The following NT5M variants were observed in gnomAD, a reference collection of about 807,000 sequenced individuals.
NT5M encodes the protein 5',3'-nucleotidase, mitochondrial.
NT5M carries 22 observed loss-of-function variants against 22.2 expected under a neutral mutation model. The ratio of observed to expected loss-of-function variants is 0.99; its 90% CI spans 0.71 to 1.41. The LOEUF is 1.41. NT5M is among the 40% of genes most tolerant of loss of function. The probability of loss-of-function intolerance (pLI) is 0.00; values close to 1 mark genes in which losing one functional copy is unlikely to be tolerated. For synonymous variants in NT5M, 167 were observed against 133.0 expected (o/e 1.26, Z -1.76); for missense variants, 322 against 314.8 (o/e 1.02, Z -0.17).
At position 17,328,261 on chromosome 17, in the gene NT5M, G is replaced by C. The variant is rs2049302870; in HGVS notation, c.429+5016G>C. Among the ~76,000 whole-genome samples, 3 of 152,192 alleles carry C rather than the reference G, an allele frequency of 2.0e-5. No individual in the cohort carries two copies. In the South Asian group the frequency reaches 6.2e-4, roughly 31 times the overall value. Reference sequence around the variant, plus strand: ...AATTCAGGGTGAATTTTGTTGGCCAGTGGCTACAGGGGCTGATTGGGAGCG... The same window carrying C: ...AATTCAGGGTGAATTTTGTTGGCCACTGGCTACAGGGGCTGATTGGGAGCG... On this transcript the variant is annotated intron_variant, in intron 3 of 4. Coordinates refer to ENST00000389022, the MANE Select transcript of NT5M (RefSeq NM_020201.4).
At chr17:17,312,803 A>T (rs1412500310) in intron 2 of NT5M, among the ~76,000 whole-genome samples, 2 of 151,786 alleles carry the variant, frequency 1.3e-5, no homozygotes, top group African/African-American at 2.4e-5. Context: ...TACTAAAAAA[A>T]AATAATAATA....
In NT5M at chr17:17,303,788, C is replaced by A; in HGVS notation, c.238C>A (p.Gln80Lys). The change falls in exon 1 of 5, where the codon CAG becomes AAG. Residue 80 changes from glutamine to lysine, a missense_variant. Physicochemically the swap from Gln to Lys is moderately conservative, Grantham distance 53. Coordinates refer to ENST00000389022, the MANE Select transcript of NT5M (RefSeq NM_020201.4). ...CCGGCGCGGCTTCTGGGTGTCGGAG[C>A]AGTACGGCCGCCTGCGGCCAGGGCT... ...EDRRGFWVSE[Q>K]YGRLRPGLSE... 6.4e-7 allele frequency: 1 copy of A among 1,565,476 alleles called. No individual in the cohort carries two copies. The highest frequency in any genetic ancestry group is 8.6e-7 in the Non-Finnish European group (1 of 1,156,232).
chr17:17,328,669 G>C (rs1195058265), intron 3 of NT5M, among the ~76,000 whole-genome samples: 1 of 152,164 alleles, frequency 6.6e-6, no homozygotes, highest in African/African-American at 2.4e-5. Context: ...CACTGAGTAG[G>C]TTCAGCCTTT....
chr17:17,324,553 G>A (rs1382453693), intron 3 of NT5M, among the ~76,000 whole-genome samples: 1 of 151,414 alleles, frequency 6.6e-6, no homozygotes, highest in African/African-American at 2.4e-5. Flanking sequence ...TGCCCTCTGT[G>A]TGCTCAGTGG....
intron 3 of NT5M, among the ~76,000 whole-genome samples, chr17:17,337,668 G>A (rs1253634775): frequency 3.3e-5 from 5 of 152,116 alleles, no homozygotes; most frequent in Non-Finnish European, 7.4e-5. Flanking sequence ...GGGATTATAG[G>A]TGTGAGCCAT....
At chr17:17,345,081 C>G (rs534791544) in intron 4 of NT5M, 173 bp downstream of exon 4, 484 of 650,642 alleles carry the variant, frequency 7.4e-4, no homozygotes, top group Non-Finnish European at 8.8e-4. Flanking sequence ...GGGCTGTGGC[C>G]TGGTGCTCCT....
chr17:17,316,547 TG>T (rs1418087229), intron 2 of NT5M, among the ~76,000 whole-genome samples: 4 of 151,102 alleles, frequency 2.6e-5, no homozygotes, highest in Middle Eastern at 3.4e-3. Context: ...GGCTAATTTT[TG>T]TATTTTTATT....
chr17:17,315,667 A>T (rs1345825530), intron 2 of NT5M, among the ~76,000 whole-genome samples: 3 of 150,720 alleles, frequency 2.0e-5, no homozygotes, highest in Non-Finnish European at 4.4e-5. Context: ...TGGCACTGGA[A>T]CTTAGGAAGC....
intron 1 of NT5M, among the ~76,000 whole-genome samples, chr17:17,305,413 C>CCCCCCCCCCCCCCCT (rs1567877233): frequency 1.6e-5 from 2 of 124,976 alleles, no homozygotes; most frequent in African/African-American, 2.9e-5. Context: ...CCCCCGCCCC[C>CCCCCCCCCCCCCCCT]ACACACGTGG....
At position 17,330,521 on chromosome 17, in the gene NT5M, A is replaced by G. The variant is rs375948184; in HGVS notation, c.429+7276A>G. Among the ~76,000 whole-genome samples the G allele has an allele frequency of 1.4e-4, 21 of 151,486 alleles. 1 individual carries two copies. The highest frequency in any genetic ancestry group is 1.1e-3 in the Admixed American group (16 of 15,182). On this transcript the variant is annotated intron_variant, in intron 3 of 4. Coordinates refer to ENST00000389022, the MANE Select transcript of NT5M (RefSeq NM_020201.4). Reference sequence around the variant, plus strand: ...CTCCTGACTAGCTGGGATTACAGGCATCTGCCACCATGCCCGGCTAATTTT... The same window carrying G: ...CTCCTGACTAGCTGGGATTACAGGCGTCTGCCACCATGCCCGGCTAATTTT...
rs71281038 is a variant in NT5M at position 17,314,040 on chromosome 17, C to CTTTTTT, written c.368+7403_368+7408dup. On this transcript the variant is annotated intron_variant, in intron 2 of 4. Coordinates refer to ENST00000389022, the MANE Select transcript of NT5M (RefSeq NM_020201.4). Reference sequence around the variant, plus strand: ...TTGTTCGGGAATATATGAATATATTCTTTTTTTTTTTGAGATGGAGTCTTG... The same window carrying CTTTTTT: ...TTGTTCGGGAATATATGAATATATTCTTTTTTTTTTTTTTTTTGAGATGGAGTCTTG... Among the ~76,000 whole-genome samples the CTTTTTT allele has an allele frequency of 2.3e-3, 336 of 143,314 alleles. 3 individuals carry two copies. Among genetic ancestry groups the CTTTTTT allele is most frequent in the African/African-American group, 8.4e-3 (319 of 38,198 alleles). The allele number at this position is 143,314 out of a possible 152,430, so 94.0% of individuals were successfully genotyped here. A position where few individuals can be genotyped will look rare whatever the true frequency, so the allele number is the denominator to read the frequency against.
At chr17:17,328,446 C>T (rs771962124) in intron 3 of NT5M, among the ~76,000 whole-genome samples, 10 of 152,150 alleles carry the variant, frequency 6.6e-5, no homozygotes, top group African/African-American at 1.9e-4. Flanking sequence ...CCTCACCCAC[C>T]GTTTGTGCCC....
intron 2 of NT5M, among the ~76,000 whole-genome samples, chr17:17,309,463 CTG>C (rs1176185717): frequency 6.6e-6 from 1 of 152,142 alleles, no homozygotes; most frequent in Non-Finnish European, 1.5e-5. Context: ...TAGGATAATT[CTG>C]TGTTTGACAT....
At chr17:17,325,493 C>T (rs569869116) in intron 3 of NT5M, among the ~76,000 whole-genome samples, 25 of 152,196 alleles carry the variant, frequency 1.6e-4, no homozygotes, top group African/African-American at 5.8e-4. Context: ...ATTTCGAAAA[C>T]GTGCCTGGCA....
rs369904210 is a variant in NT5M, at chr17:17,341,169, G to T, written c.430-3625G>T. Among the ~76,000 whole-genome samples, 37 of 152,198 alleles carry T rather than the reference G, an allele frequency of 2.4e-4. No individual in the cohort carries two copies. The South Asian group carries it at 7.3e-3, about 30-fold the overall frequency. Reference sequence around the variant, plus strand: ...TTCTAGTTTTATTCCAAAAATACATGTGATTTTTTTATATTGACCTTGTAT... The same window carrying T: ...TTCTAGTTTTATTCCAAAAATACATTTGATTTTTTTATATTGACCTTGTAT... On this transcript the variant is annotated intron_variant, in intron 3 of 4. Coordinates refer to ENST00000389022, the MANE Select transcript of NT5M (RefSeq NM_020201.4).
rs1298638514 is a variant in NT5M, at chr17:17,306,689, A to ACTGAG, written c.368+48_368+52dup. The ACTGAG allele has an allele frequency of 2.3e-6, 3 of 1,310,972 alleles. No individual in the cohort carries two copies. In the African/African-American group the frequency reaches 4.4e-5, roughly 19 times the overall value. The allele number at this position is 1,310,972 out of a possible 1,614,324, so 81.2% of individuals were successfully genotyped here. On this transcript the variant is annotated intron_variant, in intron 2 of 4. Transcript: ENST00000389022. ...ACTCAGTAAGTTTGTCTGAGCAGCC[A>ACTGAG]CTGAGCCCTGTACCTCCTTCCTGCT...
chr17:17,306,616 C>G lies in NT5M; in HGVS notation c.341C>G (p.Ala114Gly). Residue 114 changes from alanine (A) to glycine (G), a missense_variant, in exon 2 of 5, where the codon GCT becomes GGT. Coordinates refer to ENST00000389022, the MANE Select transcript of NT5M (RefSeq NM_020201.4). ...GAGCCTCTGCCAGGGGCCGTGGAAG[C>G]TGTCAAGGAGATGGCCAGCCTACAA... ...ELEPLPGAVE[A>G]VKEMASLQNT... The G allele has an allele frequency of 6.2e-7, 1 of 1,613,970 alleles. No homozygotes were observed. Among genetic ancestry groups the G allele is most frequent in the Non-Finnish European group, 8.5e-7 (1 of 1,179,902 alleles).
In NT5M at chr17:17,303,529, C is replaced by G; in HGVS notation, c.-22C>G. 1 of 1,039,760 alleles carries G rather than the reference C, an allele frequency of 9.6e-7. No homozygotes were observed. The highest frequency in any genetic ancestry group is 1.2e-6 in the Non-Finnish European group (1 of 866,594). The allele number at this position is 1,039,760 out of a possible 1,614,324, so 64.4% of individuals were successfully genotyped here. Reference sequence around the variant, plus strand: ...GGCGCGGCCCAGGTCCCCGCGCCCACGACGGGCCAGCGCGCTGGGCCATGA... The same window carrying G: ...GGCGCGGCCCAGGTCCCCGCGCCCAGGACGGGCCAGCGCGCTGGGCCATGA... On this transcript the variant is annotated 5_prime_UTR_variant, in exon 1 of 5. Coordinates refer to ENST00000389022, the MANE Select transcript of NT5M (RefSeq NM_020201.4).
intron 3 of NT5M, among the ~76,000 whole-genome samples, chr17:17,326,684 A>G (rs2049273957): frequency 6.6e-6 from 1 of 152,108 alleles, no homozygotes; most frequent in Non-Finnish European, 1.5e-5. Flanking sequence ...CTTGGGTCCC[A>G]CACCCAGCCC....
Sources: allele counts gnomAD v4.1 joint callset (sites outside exome capture counted in the v4.1 genomes callset), GRCh38; gene constraint gnomAD v4.1.1; transcripts MANE v1.5; gene names NCBI Gene and HGNC (gene_info 2026-07-23, HGNC 2026-07-21).